BCL6: variants seen among roughly 807,000 people sequenced by gnomAD.
The protein encoded by BCL6 is B-cell lymphoma 6 protein.
Under a neutral mutation model 59.5 loss-of-function variants are expected in BCL6, and 7 were observed. The ratio of observed to expected loss-of-function variants is 0.12; its 90% confidence interval spans 0.07 to 0.22. BCL6 has a LOEUF of 0.22. Ranked by LOEUF, BCL6 falls within the 10% of genes least tolerant of loss-of-function variation. The pLI is 1.00. For missense variants in BCL6, 685 were observed against 939.4 expected (o/e 0.73, Z 3.54); for synonymous variants, 339 against 349.7 (o/e 0.97, Z 0.34).
Position 187,725,982 on chromosome 3 carries a change from C to T in BCL6, c.1709-353G>A, listed in dbSNP as rs897543020. Among the ~76,000 whole-genome samples, 1 of 152,244 alleles carries T rather than the reference C, an allele frequency of 6.6e-6. No individual in the cohort carries two copies. Among genetic ancestry groups the T allele is most frequent in the African/African-American group, 2.4e-5 (1 of 41,466 alleles). The stretch of plus-strand genomic sequence containing the variant: ...GCCTGCGGAACCTGGACAAGTCACT[C>T]TCCTTCTCTGGGCCTCAGTTTCCCT... On this transcript the variant is annotated intron_variant, in intron 7 of 9. Transcript: ENST00000406870. The surrounding 1 kb of genome is among the most constrained non-coding windows in gnomAD (Gnocchi z 4.7).
chr3:187,722,402 T>C lies in BCL6; in HGVS notation c.*56A>G. 1.3e-6 allele frequency: 2 copies of C among 1,511,000 alleles called. No individual in the cohort carries two copies. Among genetic ancestry groups the C allele is most frequent in the East Asian group, 2.5e-5 (1 of 39,372 alleles). The allele number at this position is 1,511,000 out of a possible 1,614,324, so 93.6% of individuals were successfully genotyped here. A position where few individuals can be genotyped will look rare whatever the true frequency, so the allele number is the denominator to read the frequency against. On this transcript the variant is annotated 3_prime_UTR_variant, in exon 10 of 10. Coordinates refer to ENST00000406870, the MANE Select transcript of BCL6 (RefSeq NM_001706.5). Reference sequence around the variant, plus strand: ...ATGAACATTGTAAAGTGTTACAGTATCCTTTGGGTAGATTCTGAGAAGGGG... The same window carrying C: ...ATGAACATTGTAAAGTGTTACAGTACCCTTTGGGTAGATTCTGAGAAGGGG...
chr3:187,729,026 G>A lies in BCL6; in HGVS notation c.1355+24C>T. On this transcript the variant is annotated intron_variant, in intron 5 of 9. Transcript: ENST00000406870. This position sits in a 1 kb window ranked among gnomAD's most constrained non-coding sequence, Gnocchi z 5.6. ...CCTGCCCAGGTAACCCCTGACCTCA[G>A]ACCCAGACAGTCTCTGAAATCACCT... 6.6e-7 allele frequency: 1 copy of A among 1,516,084 alleles called. No homozygotes were observed. Among genetic ancestry groups the A allele is most frequent in the Non-Finnish European group, 8.8e-7 (1 of 1,134,678 alleles). The allele number at this position is 1,516,084 out of a possible 1,614,324, so 93.9% of individuals were successfully genotyped here.
At chr3:187,733,429 C>T (rs897264930) in intron 3 of BCL6, 104 bp downstream of exon 3, 96 of 1,351,346 alleles carry the variant, frequency 7.1e-5, no homozygotes, top group Non-Finnish European at 9.0e-5. Flanking sequence ...CAAAGCGAGA[C>T]GTCATCCCAG....
intron 4 of BCL6, 57 bp from the exon 5 acceptor site, chr3:187,730,078 T>C (rs1718966158): frequency 4.6e-6 from 7 of 1,512,252 alleles, no homozygotes; most frequent in African/African-American, 4.2e-5. Context: ...GTTAAATAGA[T>C]GACCTTCCAG....
chr3:187,737,764 T>TTTTC (rs1317037643), intron 1 of BCL6: 1 of 147,462 alleles, frequency 6.8e-6, no homozygotes, highest in African/African-American at 2.5e-5. Context: ...TTTTTTTTTT[T>TTTTC]TTTTTTTTTT....
intron 9 of BCL6, among the ~76,000 whole-genome samples, chr3:187,722,830 C>A (rs56088834): frequency 0.037 from 5,694 of 152,296 alleles, 94 homozygotes; most frequent in African/African-American, 0.056. Flanking sequence ...CTCTCCCTTG[C>A]TAGAGACGTC....
chr3:187,726,916 G>A lies in BCL6; in HGVS notation c.1541-18C>T, dbSNP rs1718734107. 6.2e-7 allele frequency: 1 copy of A among 1,613,562 alleles called. No individual in the cohort carries two copies. Among genetic ancestry groups the A allele is most frequent in the African/African-American group, 1.3e-5 (1 of 75,046 alleles). ...CCCGTTCTCTGTTGGAGGGTGGTAG[G>A]GGGACACCAAAGTCAGCACGAGGAA... is the stretch of plus-strand genomic sequence containing the variant. On this transcript the variant is annotated intron_variant, in intron 6 of 9. Transcript: ENST00000406870.
chr3:187,744,237 T>C (rs542807030), intron 1 of BCL6, among the ~76,000 whole-genome samples: 1 of 152,192 alleles, frequency 6.6e-6, no homozygotes, highest in African/African-American at 2.4e-5. Context: ...CCGCCACCTT[T>C]CTCGTTCTCC....
intron 1 of BCL6, among the ~76,000 whole-genome samples, chr3:187,744,864 A>G (rs1711833038): frequency 1.3e-5 from 2 of 152,282 alleles, no homozygotes; most frequent in South Asian, 2.1e-4. Flanking sequence ...CAGCCGCACG[A>G]ATCCAGAGAG....
At chr3:187,745,261 G>C (rs1711892411) in intron 1 of BCL6, 149 bp downstream of exon 1, 1 of 398,002 alleles carries the variant, frequency 2.5e-6, no homozygotes, top group Middle Eastern at 6.3e-4. Flanking sequence ...TAGAAAACTT[G>C]GAGCCAAAGC....
chr3:187,744,294 G>T (rs529029197), intron 1 of BCL6, among the ~76,000 whole-genome samples: 2 of 152,126 alleles, frequency 1.3e-5, no homozygotes, highest in African/African-American at 2.4e-5. Flanking sequence ...ACACTGAAAG[G>T]CATCGCAGGT....
chr3:187,742,311 G>A (rs3774298), intron 1 of BCL6, among the ~76,000 whole-genome samples: 94,355 of 151,966 alleles, frequency 0.62, 29,852 homozygotes, highest in Middle Eastern at 0.74. Flanking sequence ...ACATCTAGCC[G>A]TGGCTACCAT....
Position 187,729,502 on chromosome 3 carries a change from T to C in BCL6, c.903A>G (p.Lys301=), listed in dbSNP as rs1245230466. Residue 301 remains lysine, a synonymous_variant, in exon 5 of 10, where the codon AAA becomes AAG. Transcript: ENST00000406870. The surrounding 1 kb of genome is among the most constrained non-coding windows in gnomAD (Gnocchi z 5.6). ...CTTCCGAGGAGGGTCTCTCTTCTTC[T>C]TTGCTGGCCTTGTCACAAGGGAAGT... is the stretch of plus-strand genomic sequence containing the variant. ...APYFPCDKAS[K]EEERPSSEDE... The C allele has an allele frequency of 6.2e-7, 1 of 1,613,536 alleles. No homozygotes were observed. The highest frequency in any genetic ancestry group is 1.1e-5 in the South Asian group (1 of 91,066).
At position 187,725,122 on chromosome 3, in the gene BCL6, C is replaced by T. The variant is rs374054227; in HGVS notation, c.1840-44G>A. 36 of 1,611,584 alleles carry T rather than the reference C, an allele frequency of 2.2e-5. 1 individual carries two copies. In the South Asian group the frequency reaches 3.1e-4, roughly 14 times the overall value. On this transcript the variant is annotated intron_variant, in intron 8 of 9. Transcript: ENST00000406870. The surrounding 1 kb of genome is among the most constrained non-coding windows in gnomAD (Gnocchi z 4.7). The stretch of plus-strand genomic sequence containing the variant: ...ATGAGAGGTCTTCTGGGGTGGGCTG[C>T]AGGCCTCTGGGCAGCCCCTCATTAG...
intron 1 of BCL6, among the ~76,000 whole-genome samples, chr3:187,744,870 G>T (rs1296410108): frequency 1.3e-5 from 2 of 152,182 alleles, no homozygotes; most frequent in Non-Finnish European, 2.9e-5. Context: ...CACGAATCCA[G>T]AGAGATCACA....
In BCL6 at chr3:187,730,024, G is replaced by A; in HGVS notation, c.384-3C>T. On this transcript the variant is annotated splice_polypyrimidine_tract_variant and splice_region_variant and intron_variant, in intron 4 of 9. Coordinates refer to ENST00000406870, the MANE Select transcript of BCL6 (RefSeq NM_001706.5). ...TGGCAGAAACCATCTCTGCTTCACT[G>A]TGAAAGAAAAAAAGAGGAAAGACAC... 1.3e-6 allele frequency: 2 copies of A among 1,534,514 alleles called. No individual in the cohort carries two copies. Among genetic ancestry groups the A allele is most frequent in the East Asian group, 2.3e-5 (1 of 44,100 alleles).
At chr3:187,744,900 C>A (rs184779209) in intron 1 of BCL6, among the ~76,000 whole-genome samples, 2 of 152,204 alleles carry the variant, frequency 1.3e-5, no homozygotes, top group Middle Eastern at 3.4e-3. Flanking sequence ...CAAGCAGCAG[C>A]AGAAAGAGCG....
At chr3:187,744,818 A>G (rs985638767) in intron 1 of BCL6, among the ~76,000 whole-genome samples, 5 of 152,226 alleles carry the variant, frequency 3.3e-5, no homozygotes, top group South Asian at 2.1e-4. Flanking sequence ...CGGAGCAAGG[A>G]AAGCAGTTTG....
intron 1 of BCL6, chr3:187,736,734 G>T (rs1018178311): frequency 6.7e-6 from 1 of 148,160 alleles, no homozygotes; most frequent in African/African-American, 2.6e-5. Flanking sequence ...AAGCCAACTC[G>T]TCTTAAGAAC....
Sources: gnomAD v4.1 joint callset for allele counts (sites outside exome capture counted in the v4.1 genomes callset) on GRCh38, gnomAD v4.1.1 for gene constraint, Gnocchi (gnomAD v3.1) non-coding constraint, MANE v1.5 for transcripts, NCBI Gene and HGNC (gene_info 2026-07-23, HGNC 2026-07-21) for gene names.